The following APBB2 variants were observed in gnomAD, a reference collection of about 807,000 sequenced individuals.
The protein encoded by APBB2 is amyloid beta precursor protein binding family B member 2.
In APBB2, 38 loss-of-function variants were observed where a neutral mutation model predicts 82.5. The observed-to-expected ratio is 0.46, with a 90% CI of 0.36 to 0.60. APBB2 has a LOEUF of 0.60. Among genes scored for constraint, APBB2 ranks in the 20% least tolerant of loss-of-function variants. APBB2 has a pLI of 0.00. For missense variants in APBB2, 772 were observed against 972.3 expected, an observed-to-expected ratio of 0.79 and a Z score of 2.74; for synonymous variants, 341 against 368.2, an observed-to-expected ratio of 0.93 and a Z score of 0.85.
At chr4:40,996,796 A>T (rs111966667) in intron 6 of APBB2, among the ~76,000 whole-genome samples, 6 of 152,114 alleles carry the variant, frequency 3.9e-5, no homozygotes, top group African/African-American at 1.4e-4. Flanking sequence ...CAGTCCTCAT[A>T]ATCTAAACAA....
chr4:40,882,472 A>G lies in APBB2; in HGVS notation c.1529+7892T>C, dbSNP rs575198240. Among the ~76,000 whole-genome samples the G allele has an allele frequency of 1.2e-4, 19 of 152,340 alleles. No homozygotes were observed. In the South Asian group the frequency reaches 3.5e-3, roughly 28 times the overall value. ...TCTGAAGAAGCCGTGTGATGAAGCC[A>G]GTTCTGCATTTCTGTGAAGTTGGAA... On this transcript the variant is annotated intron_variant, in intron 12 of 17. Coordinates refer to ENST00000508593, the MANE Select transcript of APBB2 (RefSeq NM_004307.2).
chr4:40,839,426 C>T (rs1755076595), intron 12 of APBB2, among the ~76,000 whole-genome samples: 1 of 152,064 alleles, frequency 6.6e-6, no homozygotes, highest in Non-Finnish European at 1.5e-5. Flanking sequence ...CACTCAATCT[C>T]TCACCAATTC....
At chr4:41,048,632 T>G (rs1169968141) in intron 4 of APBB2, among the ~76,000 whole-genome samples, 1 of 150,816 alleles carries the variant, frequency 6.6e-6, no homozygotes, top group Non-Finnish European at 1.5e-5. Context: ...ATTCTCCCTC[T>G]CCCTATCCCT....
At position 40,823,584 on chromosome 4, in the gene APBB2, C is replaced by G. The variant is rs191377879; in HGVS notation, c.1932+60G>C. ...CTATGTTCCTAAGTTCCACAGAAAA[C>G]CACTGTATCTTATACTCACTGTATA... On this transcript the variant is annotated intron_variant, in intron 16 of 17. Coordinates refer to ENST00000508593, the MANE Select transcript of APBB2 (RefSeq NM_004307.2). 1,123 of 1,220,510 alleles carry G rather than the reference C, an allele frequency of 9.2e-4. 2 individuals carry two copies. The highest frequency in any genetic ancestry group is 1.1e-3 in the Non-Finnish European group (940 of 829,534). 75.6% of individuals were successfully genotyped at this position (1,220,510 alleles called of 1,614,324 possible). A position where few individuals can be genotyped will look rare whatever the true frequency, so the allele number is the denominator to read the frequency against.
chr4:41,102,628 G>A (rs74516302), intron 2 of APBB2, among the ~76,000 whole-genome samples: 2,719 of 152,194 alleles, frequency 0.018, 48 homozygotes, highest in African/African-American at 0.037. Flanking sequence ...AACATCTACC[G>A]GTGACTTCGG....
rs1423611183 is a variant in APBB2, at chr4:40,811,036, T to G, written c.*5056A>C. The G allele has an allele frequency of 6.6e-6, 1 of 152,236 alleles. No individual in the cohort carries two copies. Among genetic ancestry groups the G allele is most frequent in the African/African-American group, 2.4e-5 (1 of 41,472 alleles). The allele number at this position is 152,236 out of a possible 1,614,324, so 9.4% of individuals were successfully genotyped here. On this transcript the variant is annotated 3_prime_UTR_variant, in exon 18 of 18. Coordinates refer to ENST00000508593, the MANE Select transcript of APBB2 (RefSeq NM_004307.2). ...GTTGTCTCATTGTTATGGAATAGTT[T>G]AGGATAATTTTCTGATCTCTACAGT...
intron 2 of APBB2, among the ~76,000 whole-genome samples, chr4:41,131,038 C>T (rs556209881): frequency 6.6e-6 from 1 of 152,308 alleles, no homozygotes; most frequent in East Asian, 1.9e-4. Context: ...AGGAACATCA[C>T]AGCAAAACAT....
intron 1 of APBB2, among the ~76,000 whole-genome samples, chr4:41,156,113 T>C (rs1444304243): frequency 6.6e-6 from 1 of 150,990 alleles, no homozygotes; most frequent in African/African-American, 2.4e-5. Context: ...AACCCTGAAC[T>C]TTGTAAAAAT....
At chr4:41,048,995 C>T (rs962488922) in intron 4 of APBB2, among the ~76,000 whole-genome samples, 3 of 152,076 alleles carry the variant, frequency 2.0e-5, no homozygotes, top group African/African-American at 7.2e-5. Context: ...AGTGCAGTGG[C>T]GTGATCTCGG....
At chr4:41,095,327 C>G (rs1743131388) in intron 3 of APBB2, among the ~76,000 whole-genome samples, 1 of 152,242 alleles carries the variant, frequency 6.6e-6, no homozygotes, top group African/African-American at 2.4e-5. Flanking sequence ...CAACAGCTAG[C>G]AGCAGCCTGC....
At chr4:40,996,466 C>G (rs796265731) in intron 6 of APBB2, among the ~76,000 whole-genome samples, 1 of 152,096 alleles carries the variant, frequency 6.6e-6, no homozygotes, top group African/African-American at 2.4e-5. Context: ...AATTTGGTGT[C>G]CAGGTGACAA....
intron 10 of APBB2, among the ~76,000 whole-genome samples, chr4:40,920,118 C>T (rs371181816): frequency 7.0e-4 from 107 of 152,282 alleles, no homozygotes; most frequent in Middle Eastern, 3.4e-3. Context: ...ATAATTCCCA[C>T]GTATCATGGG....
rs201970305 is a variant in APBB2, at chr4:40,827,148, G to A, written c.1716C>T (p.Leu572=). Residue 572 remains leucine, a synonymous_variant, in exon 14 of 18, where the codon CTC becomes CTT. Coordinates refer to ENST00000508593, the MANE Select transcript of APBB2 (RefSeq NM_004307.2). The part of the protein sequence containing the change: ...SSLQERANVN[L]DVPLQVDFPT... Reference sequence around the variant, plus strand: ...CTGACTTACCTTGCAAAGGGACATCGAGGTTCACATTGGCCCTTTCCTGTA... The same window carrying A: ...CTGACTTACCTTGCAAAGGGACATCAAGGTTCACATTGGCCCTTTCCTGTA... 4.5e-4 allele frequency: 719 copies of A among 1,614,158 alleles called. No individual in the cohort carries two copies. Among genetic ancestry groups the A allele is most frequent in the Middle Eastern group, 1.3e-3 (8 of 6,056 alleles).
chr4:40,864,256 A>AAAAACAAAACAAAACAAAAT (rs1763508549), intron 12 of APBB2, among the ~76,000 whole-genome samples: 1 of 149,894 alleles, frequency 6.7e-6, no homozygotes, highest in Admixed American at 6.7e-5. Context: ...CCGTCTCAAT[A>AAAAACAAAACAAAACAAAAT]AAAACAAAAC....
At chr4:40,818,520 T>C (rs1746613489) in intron 17 of APBB2, among the ~76,000 whole-genome samples, 1 of 152,216 alleles carries the variant, frequency 6.6e-6, no homozygotes, top group Admixed American at 6.5e-5. Context: ...AATACCAAAA[T>C]AGTTGTCATC....
intron 4 of APBB2, among the ~76,000 whole-genome samples, chr4:41,064,995 G>C (rs3922805): frequency 0.25 from 38,580 of 152,142 alleles, 5,223 homozygotes; most frequent in Admixed American, 0.39. Flanking sequence ...TAGAAGAATA[G>C]ATACATTAGA....
chr4:40,967,777 C>T (rs920974849), intron 6 of APBB2, among the ~76,000 whole-genome samples: 7 of 152,178 alleles, frequency 4.6e-5, no homozygotes, highest in Non-Finnish European at 4.4e-5. Context: ...GAGCAAAACT[C>T]GGGCAAAGGT....
At chr4:40,988,442 T>C (rs551304336) in intron 6 of APBB2, among the ~76,000 whole-genome samples, 1 of 151,964 alleles carries the variant, frequency 6.6e-6, no homozygotes, top group African/African-American at 2.4e-5. Flanking sequence ...TCGAGACCAG[T>C]CTGGCCAAAA....
intron 1 of APBB2, among the ~76,000 whole-genome samples, chr4:41,209,552 T>C (rs1168314302): frequency 6.6e-6 from 1 of 152,190 alleles, no homozygotes; most frequent in East Asian, 1.9e-4. Context: ...CAGGAAAGGC[T>C]TGCCAAAATT....
Sources: gnomAD v4.1 joint callset for allele counts (sites outside exome capture counted in the v4.1 genomes callset) on GRCh38, gnomAD v4.1.1 for gene constraint, MANE v1.5 for transcripts, NCBI Gene and HGNC (gene_info 2026-07-23, HGNC 2026-07-21) for gene names.